The following ECT2L variants were observed in gnomAD, a reference collection of about 807,000 sequenced individuals.
The protein encoded by ECT2L is epithelial cell-transforming sequence 2 oncogene-like.
A neutral mutation model predicts 122.8 loss-of-function variants in ECT2L; 126 were observed. That is an observed-to-expected ratio of 1.03 (90% CI 0.89 to 1.19). The LOEUF (loss-of-function observed/expected upper bound fraction) is 1.19, where lower values mean the gene tolerates loss of function less well. Among genes scored for constraint, ECT2L ranks in the 50% most tolerant of loss-of-function variants. The pLI is 0.00. For synonymous variants in ECT2L, 385 were observed against 381.8 expected (o/e 1.01, Z -0.10); for missense variants, 1,012 against 1,064.1 (o/e 0.95, Z 0.68).
chr6:138,880,930 ACTTGAGTT>A lies in ECT2L; in HGVS notation c.1666-23_1666-16del. ...CAGCACTTCTACTTCTCCATCACTG[ACTTGAGTT>A]CTTAACACTTCTCTACAGGAGAGAA... is the stretch of plus-strand genomic sequence containing the variant. On this transcript the variant is annotated intron_variant, in intron 14 of 21. Coordinates refer to ENST00000541398, the MANE Select transcript of ECT2L (RefSeq NM_001077706.3). The A allele has an allele frequency of 6.3e-7, 1 of 1,598,576 alleles. No individual in the cohort carries two copies. The highest frequency in any genetic ancestry group is 1.1e-5 in the South Asian group (1 of 90,206).
chr6:138,880,575 AG>A (rs1289945769), intron 14 of ECT2L, among the ~76,000 whole-genome samples: 1 of 152,222 alleles, frequency 6.6e-6, no homozygotes. Flanking sequence ...AGAGTAGACA[AG>A]CCAAAGTCTT....
Position 138,902,561 on chromosome 6 carries a change from A to T in ECT2L, c.2649A>T (p.Ile883=). ...PKYKWICATE[I]EDDKFLWLSV... is the part of the protein sequence containing the mutation. The stretch of plus-strand genomic sequence containing the variant: ...ATAAATGGATTTGTGCTACAGAAAT[A>T]GAGGATGATAAGTTCCTATGGCTGT... The change falls in exon 22 of 22, where the codon ATA becomes ATT. Residue 883 remains isoleucine (I), a synonymous_variant. Coordinates refer to ENST00000541398, the MANE Select transcript of ECT2L (RefSeq NM_001077706.3). 6.2e-7 allele frequency: 1 copy of T among 1,613,912 alleles called. No homozygotes were observed. The highest frequency in any genetic ancestry group is 8.5e-7 in the Non-Finnish European group (1 of 1,179,844).
chr6:138,866,316 TTTTA>T (rs1778037101), intron 12 of ECT2L, among the ~76,000 whole-genome samples: 1 of 152,068 alleles, frequency 6.6e-6, no homozygotes, highest in Non-Finnish European at 1.5e-5. Flanking sequence ...CCTGGCCAAT[TTTTA>T]TTTTATTTTT....
chr6:138,813,536 G>A (rs1775969948), intron 3 of ECT2L, among the ~76,000 whole-genome samples, 196 bp downstream of exon 3: 1 of 152,098 alleles, frequency 6.6e-6, no homozygotes, highest in Admixed American at 6.5e-5. Context: ...CTACCTTAAG[G>A]GAGGCTCCAG....
At chr6:138,879,114 G>A in intron 14 of ECT2L, 1 of 203,546 alleles carries the variant, frequency 4.9e-6, no homozygotes, top group Non-Finnish European at 1.0e-5. Context: ...AACTCTGCAG[G>A]TGTGTCTGTT....
chr6:138,864,002 TAAAAAAA>T (rs1172466449), intron 11 of ECT2L, among the ~76,000 whole-genome samples: 39 of 55,874 alleles, frequency 7.0e-4, no homozygotes, highest in African/African-American at 2.0e-3. Flanking sequence ...TCTCCGTATT[TAAAAAAA>T]AAAAAAAAAA....
chr6:138,807,669 A>C (rs1355265794), intron 1 of ECT2L, among the ~76,000 whole-genome samples: 1 of 152,116 alleles, frequency 6.6e-6, no homozygotes, highest in Non-Finnish European at 1.5e-5. Context: ...ACCATCCCAA[A>C]ATTTAATGGC....
At chr6:138,850,150 C>T (rs7762607) in intron 9 of ECT2L, among the ~76,000 whole-genome samples, 1,478 of 30,236 alleles carry the variant, frequency 0.049, 24 homozygotes, top group African/African-American at 0.16. Flanking sequence ...TGACTTTTTT[C>T]TTTTTTCGAG....
chr6:138,868,310 A>T, intron 13 of ECT2L, 104 bp downstream of exon 13: 1 of 896,426 alleles, frequency 1.1e-6, no homozygotes, highest in Non-Finnish European at 1.7e-6. Flanking sequence ...CTTTCAGAGC[A>T]CAGTTCCTCA....
intron 4 of ECT2L, among the ~76,000 whole-genome samples, chr6:138,819,465 C>T (rs1355459956): frequency 6.6e-6 from 1 of 152,066 alleles, no homozygotes; most frequent in Non-Finnish European, 1.5e-5. Flanking sequence ...CACTATGTGA[C>T]ATGCAGGACT....
intron 4 of ECT2L, chr6:138,822,949 A>G: frequency 1.2e-6 from 2 of 1,612,780 alleles, no homozygotes; most frequent in Admixed American, 1.7e-5. Context: ...ATTTATGCCT[A>G]TTACAAGAAA....
intron 10 of ECT2L, among the ~76,000 whole-genome samples, chr6:138,857,232 G>A (rs1777642039): frequency 6.6e-6 from 1 of 152,062 alleles, no homozygotes; most frequent in African/African-American, 2.4e-5. Context: ...AAAAATAAAA[G>A]GACAATAAGC....
Position 138,900,928 on chromosome 6 carries a change from C to A in ECT2L, c.2415-20C>A. On this transcript the variant is annotated intron_variant, in intron 20 of 21. Transcript: ENST00000541398. Reference sequence around the variant, plus strand: ...ATGTATGTTATGTATTAAAACTGTACCTTCTCCATTTTAACACAGGCTCTA... The same window carrying A: ...ATGTATGTTATGTATTAAAACTGTAACTTCTCCATTTTAACACAGGCTCTA... The A allele has an allele frequency of 1.2e-6, 2 of 1,608,144 alleles. No individual in the cohort carries two copies. The highest frequency in any genetic ancestry group is 2.2e-5 in the East Asian group (1 of 44,794).
At chr6:138,844,629 T>C (rs767565420) in intron 7 of ECT2L, 49 bp downstream of exon 7, 31 of 1,537,672 alleles carry the variant, frequency 2.0e-5, no homozygotes, top group African/African-American at 2.7e-5. Flanking sequence ...CCAATACCAA[T>C]AATTCACTCT....
Position 138,837,380 on chromosome 6 carries a change from C to T in ECT2L, c.180-972C>T, listed in dbSNP as rs192955450. Among the ~76,000 whole-genome samples, 24 of 152,246 alleles carry T rather than the reference C, an allele frequency of 1.6e-4. 1 individual carries two copies. The highest frequency in any genetic ancestry group is 5.8e-4 in the African/African-American group (24 of 41,548). On this transcript the variant is annotated intron_variant, in intron 4 of 21. Coordinates refer to ENST00000541398, the MANE Select transcript of ECT2L (RefSeq NM_001077706.3). ...GCACACGGCTATTGCCCCACTGAGTCTCTCCGCACTCTTCCTGTGGCCACG... is the reference window on the plus strand; with the variant it reads ...GCACACGGCTATTGCCCCACTGAGTTTCTCCGCACTCTTCCTGTGGCCACG...
At chr6:138,822,149 T>G (rs953827458) in intron 4 of ECT2L, among the ~76,000 whole-genome samples, 1 of 152,274 alleles carries the variant, frequency 6.6e-6, no homozygotes, top group Non-Finnish European at 1.5e-5. Context: ...TCTTTTTTCA[T>G]TTATTATTTT....
Position 138,900,928 on chromosome 6 carries a change from C to T in ECT2L, c.2415-20C>T. On this transcript the variant is annotated intron_variant, in intron 20 of 21. Transcript: ENST00000541398. ...ATGTATGTTATGTATTAAAACTGTA[C>T]CTTCTCCATTTTAACACAGGCTCTA... 6.2e-7 allele frequency: 1 copy of T among 1,608,144 alleles called. No individual in the cohort carries two copies. Among genetic ancestry groups the T allele is most frequent in the Non-Finnish European group, 8.5e-7 (1 of 1,177,572 alleles).
intron 9 of ECT2L, among the ~76,000 whole-genome samples, chr6:138,851,787 T>C (rs1475034675): frequency 2.0e-5 from 3 of 152,354 alleles, no homozygotes; most frequent in Admixed American, 6.5e-5. Flanking sequence ...ACTGTGTTGA[T>C]TGTACACTTT....
chr6:138,867,769 C>T lies in ECT2L; in HGVS notation c.1475-334C>T, dbSNP rs569385870. On this transcript the variant is annotated intron_variant, in intron 12 of 21. Transcript: ENST00000541398. ...GCTTGAACCCAGGAGGCGGAGGTTGCAGTGAGCCCAGATTGCGCCACTGCA... is the reference window on the plus strand; with the variant it reads ...GCTTGAACCCAGGAGGCGGAGGTTGTAGTGAGCCCAGATTGCGCCACTGCA... Among the ~76,000 whole-genome samples the T allele has an allele frequency of 1.6e-3, 243 of 151,858 alleles. 1 individual carries two copies. Among genetic ancestry groups the T allele is most frequent in the African/African-American group, 5.5e-3 (228 of 41,420 alleles).
Sources: gnomAD v4.1 joint callset for allele counts (sites outside exome capture counted in the v4.1 genomes callset) on GRCh38, gnomAD v4.1.1 for gene constraint, MANE v1.5 for transcripts, NCBI Gene and HGNC (gene_info 2026-07-23, HGNC 2026-07-21) for gene names.